GABRA3: variants seen among roughly 807,000 people sequenced by gnomAD.
GABRA3 encodes the protein gamma-aminobutyric acid type A receptor subunit alpha3.
Under a neutral mutation model 30.1 loss-of-function variants are expected in GABRA3, and 10 were observed. The ratio of observed to expected loss-of-function variants is 0.33; its 90% CI spans 0.20 to 0.56. GABRA3 has a LOEUF of 0.56. Among genes scored for constraint, GABRA3 ranks in the 20% least tolerant of loss-of-function variants. The pLI is 0.89. For synonymous variants in GABRA3, 151 were observed against 146.8 expected (o/e 1.03, Z -0.21); for missense variants, 233 against 392.0 (o/e 0.59, Z 3.42).
At chrX:152,273,786 A>G (rs1938992116) in intron 4 of GABRA3, among the ~76,000 whole-genome samples, 1 of 111,695 alleles carries the variant, frequency 9.0e-6, no homozygotes, top group East Asian at 2.8e-4. Flanking sequence ...GAGCAGGGGA[A>G]GGGTAGTAGG....
chrX:152,271,791 G>A (rs1485163488), intron 4 of GABRA3, among the ~76,000 whole-genome samples: 1 of 111,523 alleles, frequency 9.0e-6, no homozygotes, highest in Non-Finnish European at 1.9e-5. Context: ...CTCAGGACTT[G>A]GTGTCCTGCA....
intron 1 of GABRA3, among the ~76,000 whole-genome samples, chrX:152,371,793 G>A (rs1928848965): frequency 9.0e-6 from 1 of 111,121 alleles, no homozygotes. Flanking sequence ...AATTTATGGA[G>A]TATCATCTAT....
chrX:152,296,748 G>A (rs1477222795), intron 3 of GABRA3, among the ~76,000 whole-genome samples: 1 of 106,510 alleles, frequency 9.4e-6, no homozygotes, highest in Admixed American at 1.0e-4. Context: ...TGCCCAGGCT[G>A]GAATGCAGTG....
intron 9 of GABRA3, chrX:152,171,421 T>C: frequency 1.6e-6 from 1 of 625,804 alleles, no homozygotes; most frequent in Non-Finnish European, 1.9e-6. Context: ...TACAATTTTT[T>C]ACCTAAATCA....
At chrX:152,181,687 G>A (rs1260909852) in intron 9 of GABRA3, among the ~76,000 whole-genome samples, 1 of 109,857 alleles carries the variant, frequency 9.1e-6, no homozygotes, top group African/African-American at 3.3e-5. Context: ...GGGAGGCTGG[G>A]GGAGGGATAG....
intron 2 of GABRA3, among the ~76,000 whole-genome samples, chrX:152,350,998 G>A (rs73626620): frequency 0.012 from 1,353 of 111,913 alleles, 22 homozygotes; most frequent in African/African-American, 0.042. Flanking sequence ...GAAGTAGACT[G>A]CAACCGTGTG....
intron 3 of GABRA3, among the ~76,000 whole-genome samples, chrX:152,306,257 G>A (rs997632711): frequency 9.0e-6 from 1 of 111,652 alleles, no homozygotes; most frequent in African/African-American, 3.3e-5. Context: ...AAACTAGCAC[G>A]ACAATTTTGG....
chrX:152,235,473 T>C (rs897038369), intron 5 of GABRA3, among the ~76,000 whole-genome samples: 2 of 111,274 alleles, frequency 1.8e-5, no homozygotes, highest in Non-Finnish European at 3.8e-5. Flanking sequence ...CATGATTACA[T>C]ATATTGAAAA....
intron 1 of GABRA3, among the ~76,000 whole-genome samples, chrX:152,379,760 G>A (rs1452639443): frequency 9.0e-6 from 1 of 111,472 alleles, no homozygotes; most frequent in Non-Finnish European, 1.9e-5. Flanking sequence ...TGAAGAATAA[G>A]GCAAAAGGAC....
At chrX:152,446,632 C>T (rs1931094661) in intron 1 of GABRA3, among the ~76,000 whole-genome samples, 1 of 110,056 alleles carries the variant, frequency 9.1e-6, no homozygotes, top group Non-Finnish European at 1.9e-5. Flanking sequence ...GAGGCAATGA[C>T]TCTCAAATCA....
At chrX:152,437,146 C>T (rs905101983) in intron 1 of GABRA3, among the ~76,000 whole-genome samples, 4 of 111,452 alleles carry the variant, frequency 3.6e-5, no homozygotes, top group East Asian at 2.8e-4. Flanking sequence ...GCTACCACTA[C>T]GCACTCACGG....
intron 5 of GABRA3, among the ~76,000 whole-genome samples, chrX:152,244,527 C>T (rs928789576): frequency 9.0e-6 from 1 of 111,618 alleles, no homozygotes; most frequent in African/African-American, 3.3e-5. Flanking sequence ...ACTGAATGTA[C>T]TGGAGCCTTG....
Position 152,168,581 on chromosome X carries a change from G to C in GABRA3, c.1144-18C>G, listed in dbSNP as rs1395439548. The C allele has an allele frequency of 1.1e-5, 13 of 1,141,754 alleles. No individual in the cohort carries two copies. The highest frequency in any genetic ancestry group is 1.6e-5 in the Non-Finnish European group (13 of 836,767). The allele number at this position is 1,141,754 out of a possible 1,213,427, so 94.1% of individuals were successfully genotyped here. On this transcript the variant is annotated intron_variant, in intron 9 of 9. Coordinates refer to ENST00000370314, the MANE Select transcript of GABRA3 (RefSeq NM_000808.4). ...GTTTTCTTCTAGAGGCCAGGAAAAA[G>C]AGGGGGGGAAAGGGAGAAAAAAGCA... is the stretch of plus-strand genomic sequence containing the variant.
intron 1 of GABRA3, among the ~76,000 whole-genome samples, chrX:152,449,158 G>T (rs1931159629): frequency 8.9e-6 from 1 of 112,064 alleles, no homozygotes. Context: ...AAGCAAATTT[G>T]TTCCAGATAG....
chrX:152,376,731 T>C (rs1003262304), intron 1 of GABRA3, among the ~76,000 whole-genome samples: 2 of 112,249 alleles, frequency 1.8e-5, no homozygotes, highest in Admixed American at 1.9e-4. Context: ...TCTGTTTATT[T>C]TTTAATCATC....
Position 152,221,330 on chromosome X carries a change from G to GTC in GABRA3, c.634+3431_634+3432dup, listed in dbSNP as rs1426483869. Among the ~76,000 whole-genome samples the GTC allele has an allele frequency of 4.6e-5, 5 of 109,050 alleles. No homozygotes were observed. In the South Asian group the frequency reaches 1.5e-3, roughly 33 times the overall value. 94.7% of individuals were successfully genotyped at this position (109,050 alleles called of 115,157 possible). A position where few individuals can be genotyped will look rare whatever the true frequency, so the allele number is the denominator to read the frequency against. On this transcript the variant is annotated intron_variant, in intron 6 of 9. Coordinates refer to ENST00000370314, the MANE Select transcript of GABRA3 (RefSeq NM_000808.4). ...AGAGTCAAGATGAATCTCTCTCTCT[G>GTC]TCTCTCTCTCTCTCGTTCTCTCTCT...
At chrX:152,429,355 A>G in intron 1 of GABRA3, among the ~76,000 whole-genome samples, 1 of 108,562 alleles carries the variant, frequency 9.2e-6, no homozygotes, top group East Asian at 2.9e-4. Flanking sequence ...CATTCACTTC[A>G]GCCGCCCTTC....
At chrX:152,276,850 C>CT (rs2124432969) in intron 4 of GABRA3, among the ~76,000 whole-genome samples, 1 of 111,851 alleles carries the variant, frequency 8.9e-6, no homozygotes, top group East Asian at 2.8e-4. Context: ...TATACACATT[C>CT]TTATTTATAA....
chrX:152,285,932 A>G (rs1377030742), intron 3 of GABRA3, among the ~76,000 whole-genome samples: 2 of 107,163 alleles, frequency 1.9e-5, no homozygotes, highest in Non-Finnish European at 3.8e-5. Context: ...TATATACTAT[A>G]TAGTACTTAG....
Sources: allele counts gnomAD v4.1 joint callset (sites outside exome capture counted in the v4.1 genomes callset), GRCh38; gene constraint gnomAD v4.1.1; transcripts MANE v1.5; gene names NCBI Gene and HGNC (gene_info 2026-07-23, HGNC 2026-07-21).